OSBPL10: variants seen among roughly 807,000 people sequenced by gnomAD.
The protein encoded by OSBPL10 is oxysterol binding protein like 10.
A neutral mutation model predicts 81.7 loss-of-function variants in OSBPL10; 49 were observed. The observed-to-expected ratio is 0.60, with a 90% CI of 0.48 to 0.76. The LOEUF is 0.76. Among genes scored for constraint, OSBPL10 ranks in the 30% least tolerant of loss-of-function variants. OSBPL10 has a pLI of 0.00. For missense variants in OSBPL10, 923 were observed against 987.8 expected (o/e 0.93, Z 0.88); for synonymous variants, 419 against 383.6 (o/e 1.09, Z -1.08).
At chr3:31,856,993 G>A (rs1700929165) in intron 3 of OSBPL10, among the ~76,000 whole-genome samples, 1 of 152,178 alleles carries the variant, frequency 6.6e-6, no homozygotes, top group Non-Finnish European at 1.5e-5. Flanking sequence ...AACCTGGGCG[G>A]TGGAGGGTTC....
intron 4 of OSBPL10, among the ~76,000 whole-genome samples, chr3:31,784,979 G>T (rs1698826216): frequency 6.6e-6 from 1 of 152,068 alleles, no homozygotes; most frequent in Non-Finnish European, 1.5e-5. Flanking sequence ...CTGTCTCCCA[G>T]GTTCAAGCAA....
intron 5 of OSBPL10, among the ~76,000 whole-genome samples, chr3:31,742,835 T>C (rs1022035013): frequency 7.2e-5 from 11 of 152,004 alleles, no homozygotes; most frequent in African/African-American, 2.7e-4. Context: ...GCACAACCTT[T>C]TCCAGTTTTG....
Position 31,790,186 on chromosome 3 carries a change from G to T in OSBPL10, c.729+39854C>A, listed in dbSNP as rs115753964. On this transcript the variant is annotated intron_variant, in intron 4 of 11. Coordinates refer to ENST00000396556, the MANE Select transcript of OSBPL10 (RefSeq NM_017784.5). ...ACAAGTAATTACAGAAATGTACATT[G>T]TAAGAATAATTAGATGCTTTCTTGT... Among the ~76,000 whole-genome samples, 689 of 152,288 alleles carry T rather than the reference G, an allele frequency of 4.5e-3. 5 individuals are homozygous for T. The highest frequency in any genetic ancestry group is 0.015 in the African/African-American group (640 of 41,562).
At chr3:31,769,017 C>T (rs1248575527) in intron 4 of OSBPL10, among the ~76,000 whole-genome samples, 3 of 151,964 alleles carry the variant, frequency 2.0e-5, no homozygotes, top group Non-Finnish European at 4.4e-5. Context: ...AGACGGCAGC[C>T]GCGGAAAAAT....
chr3:31,809,304 A>G (rs1237360916), intron 4 of OSBPL10, among the ~76,000 whole-genome samples: 1 of 152,240 alleles, frequency 6.6e-6, no homozygotes, highest in Non-Finnish European at 1.5e-5. Context: ...CAAGTCGCCC[A>G]ATCAAGTAGA....
At chr3:31,754,606 A>C (rs1399063210) in intron 4 of OSBPL10, among the ~76,000 whole-genome samples, 1 of 152,224 alleles carries the variant, frequency 6.6e-6, no homozygotes, top group African/African-American at 2.4e-5. Flanking sequence ...AGTGACCACT[A>C]GGTCGTCAAT....
chr3:32,055,461 G>A (rs148447384), intron 1 of OSBPL10, among the ~76,000 whole-genome samples: 2,708 of 151,790 alleles, frequency 0.018, 41 homozygotes, highest in Non-Finnish European at 0.029. Flanking sequence ...CCCCCAAAGT[G>A]CTGGGATTAC....
chr3:31,961,536 TTAA>T (rs1698159963), intron 1 of OSBPL10, among the ~76,000 whole-genome samples: 1 of 152,192 alleles, frequency 6.6e-6, no homozygotes, highest in Non-Finnish European at 1.5e-5. Context: ...GTTAATAATG[TTAA>T]TAATGCTAAT....
Position 31,676,780 on chromosome 3 carries a change from A to G in OSBPL10, c.1727-5797T>C, listed in dbSNP as rs76813951. ...GGCATTTTGAGGGAAGTGGGCTGCA[A>G]AGAGCAGCTGAACGCCCCTCAGCTC... is the stretch of plus-strand genomic sequence containing the variant. On this transcript the variant is annotated intron_variant, in intron 8 of 11. Coordinates refer to ENST00000396556, the MANE Select transcript of OSBPL10 (RefSeq NM_017784.5). Among the ~76,000 whole-genome samples the G allele has an allele frequency of 7.2e-5, 11 of 152,364 alleles. No homozygotes were observed. The East Asian group carries it at 2.1e-3, about 29-fold the overall frequency.
chr3:31,713,620 C>A (rs1575494089), intron 6 of OSBPL10, among the ~76,000 whole-genome samples: 1 of 152,248 alleles, frequency 6.6e-6, no homozygotes, highest in East Asian at 1.9e-4. Context: ...TGGTCTTGAA[C>A]TCCTGACCTC....
chr3:31,809,141 A>G (rs1262730707), intron 4 of OSBPL10, among the ~76,000 whole-genome samples: 1 of 152,234 alleles, frequency 6.6e-6, no homozygotes, highest in Non-Finnish European at 1.5e-5. Flanking sequence ...TAAACTAAAA[A>G]GAGGAGGCAA....
intron 2 of OSBPL10, among the ~76,000 whole-genome samples, chr3:32,003,047 A>G (rs1196991465): frequency 6.6e-6 from 1 of 152,244 alleles, no homozygotes; most frequent in African/African-American, 2.4e-5. Flanking sequence ...AGCTGGCCGA[A>G]CGAAAGTGGG....
chr3:31,985,565 C>A (rs573682372), upstream of OSBPL10, among the ~76,000 whole-genome samples: 6 of 152,294 alleles, frequency 3.9e-5, no homozygotes, highest in South Asian at 1.2e-3. Flanking sequence ...TTCTGAGGCT[C>A]CCTCCTCTAG....
chr3:32,010,900 G>GC (rs1283448795), intron 2 of OSBPL10, among the ~76,000 whole-genome samples: 1 of 152,130 alleles, frequency 6.6e-6, no homozygotes, highest in East Asian at 1.9e-4. Flanking sequence ...GAGGAGGGGC[G>GC]CCCCCCATTG....
intron 1 of OSBPL10, among the ~76,000 whole-genome samples, chr3:31,946,188 C>T (rs2125435227): frequency 6.6e-6 from 1 of 152,106 alleles, no homozygotes; most frequent in African/African-American, 2.4e-5. Context: ...ACCACGTTGG[C>T]CAGCTGGTCT....
intron 2 of OSBPL10, among the ~76,000 whole-genome samples, chr3:32,040,696 C>T (rs143867437): frequency 4.2e-4 from 62 of 148,550 alleles, no homozygotes; most frequent in African/African-American, 1.5e-3. Flanking sequence ...CATTAGCTGG[C>T]TGTGGTGGCA....
At chr3:31,821,150 C>T (rs1699975610) in intron 4 of OSBPL10, among the ~76,000 whole-genome samples, 1 of 152,066 alleles carries the variant, frequency 6.6e-6, no homozygotes, top group South Asian at 2.1e-4. Flanking sequence ...GAGACCACAA[C>T]AGAGCATTCT....
rs189087921 is a variant in OSBPL10, at chr3:31,860,745, G to A, written c.537+15688C>T. Among the ~76,000 whole-genome samples, 82 of 152,082 alleles carry A rather than the reference G, an allele frequency of 5.4e-4. 1 individual carries two copies. The East Asian group carries it at 0.012, about 22-fold the overall frequency. The stretch of plus-strand genomic sequence containing the variant: ...GGCAGGAGTGCAGTGGCACAATATC[G>A]GCTCACTGCAGCCTCCGTCTCCTGG... On this transcript the variant is annotated intron_variant, in intron 3 of 11. Coordinates refer to ENST00000396556, the MANE Select transcript of OSBPL10 (RefSeq NM_017784.5).
chr3:31,898,692 C>T (rs1696135903), intron 1 of OSBPL10, among the ~76,000 whole-genome samples: 1 of 151,722 alleles, frequency 6.6e-6, no homozygotes, highest in Admixed American at 6.6e-5. Context: ...AAGGGACCTG[C>T]ATTTAAGGAG....
Sources: gnomAD v4.1 joint callset for allele counts (sites outside exome capture counted in the v4.1 genomes callset) on GRCh38, gnomAD v4.1.1 for gene constraint, MANE v1.5 for transcripts, NCBI Gene and HGNC (gene_info 2026-07-23, HGNC 2026-07-21) for gene names.